MUC17: variants seen among roughly 807,000 people sequenced by gnomAD.
MUC17 encodes the protein mucin-17.
In MUC17, 190 loss-of-function variants were observed where a neutral mutation model predicts 170.3. That is an observed-to-expected ratio of 1.12 (90% CI 0.99 to 1.26). The LOEUF (loss-of-function observed/expected upper bound fraction) is 1.26. Among genes scored for constraint, MUC17 ranks in the 50% most tolerant of loss-of-function variants. The pLI is 0.00. For synonymous variants in MUC17, 2,325 were observed against 2,002.5 expected (o/e 1.16, Z -4.30); for missense variants, 6,415 against 5,530.0 (o/e 1.16, Z -5.08).
rs10265276 is a variant in MUC17 at position 101,035,140 on chromosome 7, T to A, written c.3724T>A (p.Ser1242Thr). 0.13 allele frequency: 215,735 copies of A among 1,601,288 alleles called. 17,645 individuals carry two copies. Among genetic ancestry groups the A allele is most frequent in the African/African-American group, 0.32 (23,407 of 72,860 alleles). Residue 1242 changes from serine (S) to threonine (T), a missense_variant, in exon 3 of 13, where the codon TCT becomes ACT. Physicochemically the swap from Ser to Thr is moderately conservative, Grantham distance 58. Transcript: ENST00000306151. ...TTCTGAGGCTAGCACCCTTTCAACA[T>A]CTCCCGTTGACACCAGCACACCTGT... Reference protein sequence around the residue: ...ASSEASTLSTSPVDTSTPVTT... With the variant: ...ASSEASTLSTTPVDTSTPVTT...
chr7:101,051,807 C>A lies in MUC17; in HGVS notation c.12948C>A (p.Asp4316Glu). 1 of 1,613,194 alleles carries A rather than the reference C, an allele frequency of 6.2e-7. No individual in the cohort carries two copies. The highest frequency in any genetic ancestry group is 2.2e-5 in the East Asian group (1 of 44,852). The change falls in exon 9 of 13, where the codon GAC (aspartate) becomes GAA (glutamate). Residue 4316 changes from aspartate (D) to glutamate (E), a missense_variant. By Grantham distance (45) the Asp-to-Glu change is conservative (BLOSUM62 2). Coordinates refer to ENST00000306151, the MANE Select transcript of MUC17 (RefSeq NM_001040105.2). ...ITVTQYDPEE[D>E]CRKMAKEYGD... is the part of the protein sequence containing the mutation. ...TGTCCCTGCACCCCCCACCAGAGGACTGCCGGAAGATGGCCAAGGAATATG... is the reference window on the plus strand; with the variant it reads ...TGTCCCTGCACCCCCCACCAGAGGAATGCCGGAAGATGGCCAAGGAATATG...
intron 1 of MUC17, among the ~76,000 whole-genome samples, chr7:101,023,963 A>G (rs978151922): frequency 2.6e-5 from 4 of 151,998 alleles, no homozygotes; most frequent in South Asian, 4.1e-4. Flanking sequence ...TGTGGTTTCA[A>G]TTTGCATCTC....
rs1408317036 is a variant in MUC17, at chr7:101,038,360, A to C, written c.6944A>C (p.Glu2315Ala). Residue 2315 changes from glutamate to alanine, a missense_variant, in exon 3 of 13, where the codon GAA (glutamate) becomes GCA (alanine). Glu to Ala is a moderately radical substitution (Grantham distance 107). Coordinates refer to ENST00000306151, the MANE Select transcript of MUC17 (RefSeq NM_001040105.2). Reference protein sequence around the residue: ...DSNTPFTTSTEASSPPPTAEG... With the variant: ...DSNTPFTTSTAASSPPPTAEG... Reference sequence around the variant, plus strand: ...AACACTCCTTTCACTACTTCTACTGAAGCCAGTTCACCTCCTCCCACTGCT... The same window carrying C: ...AACACTCCTTTCACTACTTCTACTGCAGCCAGTTCACCTCCTCCCACTGCT... 6.2e-7 allele frequency: 1 copy of C among 1,613,586 alleles called. No individual in the cohort carries two copies.
At chr7:101,050,402 G>T (rs1794916361) in intron 6 of MUC17, 82 bp from the exon 7 acceptor site, 1 of 1,541,588 alleles carries the variant, frequency 6.5e-7, no homozygotes, top group South Asian at 1.3e-5. Flanking sequence ...CTTGGGATCA[G>T]AGAGGGTGAA....
Position 101,039,850 on chromosome 7 carries a change from T to A in MUC17, c.8434T>A (p.Leu2812Ile). Residue 2812 changes from leucine (L) to isoleucine (I), a missense_variant, in exon 3 of 13, where the codon TTA becomes ATA. Leu to Ile is a conservative substitution (Grantham distance 5). Coordinates refer to ENST00000306151, the MANE Select transcript of MUC17 (RefSeq NM_001040105.2). ...TSTPSETSTP[L>I]TSMPVNHTPV... is the part of the protein sequence containing the mutation. ...AACTCCTAGTGAAACAAGTACTCCATTAACTAGTATGCCTGTCAACCACAC... is the reference window on the plus strand; with the variant it reads ...AACTCCTAGTGAAACAAGTACTCCAATAACTAGTATGCCTGTCAACCACAC... 6.2e-7 allele frequency: 1 copy of A among 1,611,502 alleles called. No individual in the cohort carries two copies. Among genetic ancestry groups the A allele is most frequent in the Non-Finnish European group, 8.5e-7 (1 of 1,179,174 alleles).
chr7:101,020,261 A>G (rs1012163728), intron 1 of MUC17, 44 bp downstream of exon 1: 2 of 1,527,436 alleles, frequency 1.3e-6, no homozygotes, highest in African/African-American at 1.4e-5. Flanking sequence ...CCCCCATCCC[A>G]GGGGCCAGCC....
At chr7:101,022,925 T>G (rs1290667106) in intron 1 of MUC17, among the ~76,000 whole-genome samples, 1 of 152,072 alleles carries the variant, frequency 6.6e-6, no homozygotes, top group Non-Finnish European at 1.5e-5. Context: ...CAGAAAAAAC[T>G]GTAGTTTTTG....
Position 101,023,893 on chromosome 7 carries a change from GT to G in MUC17, c.82+3687del, listed in dbSNP as rs749020800. On this transcript the variant is annotated intron_variant, in intron 1 of 12. Transcript: ENST00000306151. Reference sequence around the variant, plus strand: ...ACATCCATGCCAACATCTATTTGCAGTTTTTTTTTTTGGCTTTTTAATAACG... The same window carrying G: ...ACATCCATGCCAACATCTATTTGCAGTTTTTTTTTTGGCTTTTTAATAACG... 8.7e-3 allele frequency among the ~76,000 whole-genome samples: 1,261 copies of G among 145,692 alleles called. 18 individuals carry two copies. The highest frequency in any genetic ancestry group is 0.027 in the African/African-American group (1,085 of 40,010).
In MUC17 at chr7:101,041,817, C is replaced by T. The variant is rs1794714888; in HGVS notation, c.10401C>T (p.Thr3467=). 6.2e-7 allele frequency: 1 copy of T among 1,614,040 alleles called. No individual in the cohort carries two copies. The highest frequency in any genetic ancestry group is 1.3e-5 in the African/African-American group (1 of 74,956). Residue 3467 remains threonine, a synonymous_variant, in exon 3 of 13, where the codon ACC becomes ACT. Coordinates refer to ENST00000306151, the MANE Select transcript of MUC17 (RefSeq NM_001040105.2). ...STPLSIMPLS[T]TPVASSEAST... is the part of the protein sequence containing the mutation. ...CATTATCAATTATGCCTCTCAGTACCACGCCGGTGGCCAGTTCTGAGGCTA... is the reference window on the plus strand; with the variant it reads ...CATTATCAATTATGCCTCTCAGTACTACGCCGGTGGCCAGTTCTGAGGCTA...
rs1420774712 is a variant in MUC17, at chr7:101,042,538, A to C, written c.11122A>C (p.Ser3708Arg). The change falls in exon 3 of 13, where the codon AGC becomes CGC. Residue 3708 changes from serine to arginine, a missense_variant. Ser to Arg is a moderately radical substitution (Grantham distance 110). Coordinates refer to ENST00000306151, the MANE Select transcript of MUC17 (RefSeq NM_001040105.2). ...GCCTGTCAGCACCACACGTGTGACC[A>C]GCTCTGAGGGTAGCACCCTTTCAAC... The part of the protein sequence containing the change: ...TMPVSTTRVT[S>R]SEGSTLSTPS... 1.2e-6 allele frequency: 2 copies of C among 1,614,164 alleles called. No individual in the cohort carries two copies. Among genetic ancestry groups the C allele is most frequent in the Non-Finnish European group, 1.7e-6 (2 of 1,180,020 alleles).
chr7:101,025,780 C>A lies in MUC17; in HGVS notation c.83-5340C>A, dbSNP rs187099816. On this transcript the variant is annotated intron_variant, in intron 1 of 12. Transcript: ENST00000306151. The stretch of plus-strand genomic sequence containing the variant: ...CTGCGCTCCAGCCTGGGTGACAGAG[C>A]GAGATCTCTCTCTCAAAAAAAAAAA... 4.4e-3 allele frequency among the ~76,000 whole-genome samples: 619 copies of A among 141,836 alleles called. 5 individuals are homozygous for A. The highest frequency in any genetic ancestry group is 0.016 in the African/African-American group (599 of 37,396). 93.0% of individuals were successfully genotyped at this position (141,836 alleles called of 152,430 possible).
Position 101,040,596 on chromosome 7 carries a change from T to C in MUC17, c.9180T>C (p.Ile3060=), listed in dbSNP as rs751387225. ...CTGTCAGCACCACGCCAGTGGCCATTCCTGAGGCTAGCACCCTTTCAACAA... is the reference window on the plus strand; with the variant it reads ...CTGTCAGCACCACGCCAGTGGCCATCCCTGAGGCTAGCACCCTTTCAACAA... ...SIPVSTTPVA[I]PEASTLSTTP... The change falls in exon 3 of 13, where the codon ATT becomes ATC. Residue 3060 remains isoleucine (I), a synonymous_variant. Coordinates refer to ENST00000306151, the MANE Select transcript of MUC17 (RefSeq NM_001040105.2). 13 of 1,612,694 alleles carry C rather than the reference T, an allele frequency of 8.1e-6. No individual in the cohort carries two copies. The Middle Eastern group carries it at 1.3e-3, about 164-fold the overall frequency.
In MUC17 at chr7:101,037,393, A is replaced by T. The variant is rs747772475; in HGVS notation, c.5977A>T (p.Ser1993Cys). 22 of 1,613,688 alleles carry T rather than the reference A, an allele frequency of 1.4e-5. No homozygotes were observed. The highest frequency in any genetic ancestry group is 1.8e-5 in the Non-Finnish European group (21 of 1,179,770). The part of the protein sequence containing the change: ...GSTPLTSMPL[S>C]TTLVVSSEAS... ...CACTCCACTAACAAGTATGCCTCTC[A>T]GCACCACGCTGGTGGTCAGTTCTGA... Residue 1993 changes from serine (S) to cysteine (C), a missense_variant, in exon 3 of 13, where the codon AGC (serine) becomes TGC (cysteine). Ser to Cys is a moderately radical substitution (Grantham distance 112, BLOSUM62 -1). Coordinates refer to ENST00000306151, the MANE Select transcript of MUC17 (RefSeq NM_001040105.2).
chr7:101,040,132 G>C lies in MUC17; in HGVS notation c.8716G>C (p.Gly2906Arg). 1.2e-6 allele frequency: 2 copies of C among 1,612,266 alleles called. No homozygotes were observed. Among genetic ancestry groups the C allele is most frequent in the South Asian group, 2.2e-5 (2 of 90,970 alleles). Residue 2906 changes from glycine to arginine, a missense_variant, in exon 3 of 13, where the codon GGC becomes CGC. Physicochemically the swap from Gly to Arg is moderately radical, Grantham distance 125. Transcript: ENST00000306151. ...TSIPVTTSTE[G>R]SSSPTTAEGT... is the part of the protein sequence containing the mutation. Reference sequence around the variant, plus strand: ...CATACCTGTCACCACTTCTACTGAAGGCAGTTCTTCTCCTACAACTGCTGA... The same window carrying C: ...CATACCTGTCACCACTTCTACTGAACGCAGTTCTTCTCCTACAACTGCTGA...
chr7:101,043,656 C>T lies in MUC17; in HGVS notation c.12240C>T (p.Ser4080=), dbSNP rs886519742. ...HSSTPPTTSA[S]STTVNPEAVT... ...GTACACCTCCAACAACCTCTGCCTCCTCCACGACTGTGAACCCTGAGGCTG... is the reference window on the plus strand; with the variant it reads ...GTACACCTCCAACAACCTCTGCCTCTTCCACGACTGTGAACCCTGAGGCTG... Residue 4080 remains serine, a synonymous_variant, in exon 3 of 13, where the codon TCC becomes TCT. Coordinates refer to ENST00000306151, the MANE Select transcript of MUC17 (RefSeq NM_001040105.2). The T allele has an allele frequency of 6.2e-7, 1 of 1,614,190 alleles. No individual in the cohort carries two copies. Among genetic ancestry groups the T allele is most frequent in the Admixed American group, 1.7e-5 (1 of 60,022 alleles).
At position 101,020,147 on chromosome 7, in the gene MUC17, A is replaced by G; in HGVS notation, c.12A>G (p.Pro4=). The G allele has an allele frequency of 6.2e-7, 1 of 1,605,262 alleles. No individual in the cohort carries two copies. Among genetic ancestry groups the G allele is most frequent in the African/African-American group, 1.3e-5 (1 of 74,692 alleles). ...TGCTCAGAGCTCCGATGCCAAGGCC[A>G]GGGACCATGGCGCTGTGTCTGCTGA... MPR[P]GTMALCLLTL... is the part of the protein sequence containing the mutation. The change falls in exon 1 of 13, where the codon CCA becomes CCG. Residue 4 remains proline (P), a synonymous_variant. Transcript: ENST00000306151.
In MUC17 at chr7:101,033,692, T is replaced by G; in HGVS notation, c.2276T>G (p.Leu759Trp). ...LTSMPVSKTL[L>W]TSSEASTLST... ...AGTATGCCTGTCAGCAAAACGCTGT[T>G]GACCAGTTCTGAGGCTAGCACCCTT... Residue 759 changes from leucine (L) to tryptophan (W), a missense_variant, in exon 3 of 13, where the codon TTG becomes TGG. Transcript: ENST00000306151. 1.9e-6 allele frequency: 3 copies of G among 1,613,638 alleles called. No homozygotes were observed. The highest frequency in any genetic ancestry group is 2.7e-5 in the African/African-American group (2 of 74,936).
Position 101,042,857 on chromosome 7 carries a change from C to T in MUC17, c.11441C>T (p.Thr3814Ile). ...MPMSTTSERS[T>I]LLTTVLISPI... The stretch of plus-strand genomic sequence containing the variant: ...ATGTCAACTACGAGTGAAAGAAGCA[C>T]TTTATTGACAACTGTCCTCATCAGC... Residue 3814 changes from threonine to isoleucine, a missense_variant, in exon 3 of 13, where the codon ACT becomes ATT. Physicochemically the swap from Thr to Ile is moderately conservative, Grantham distance 89 (BLOSUM62 -1). Transcript: ENST00000306151. 1.2e-6 allele frequency: 2 copies of T among 1,614,162 alleles called. No homozygotes were observed. The highest frequency in any genetic ancestry group is 1.1e-5 in the South Asian group (1 of 91,086).
rs185696595 is a variant in MUC17, at chr7:101,020,121, G to A, written c.-15G>A. 1.4e-3 allele frequency: 2,169 copies of A among 1,582,976 alleles called. 2 individuals carry two copies. Among genetic ancestry groups the A allele is most frequent in the Non-Finnish European group, 1.7e-3 (1,936 of 1,164,376 alleles). On this transcript the variant is annotated 5_prime_UTR_variant, in exon 1 of 13. It adds an upstream start codon to the 5' untranslated region. Coordinates refer to ENST00000306151, the MANE Select transcript of MUC17 (RefSeq NM_001040105.2). Reference sequence around the variant, plus strand: ...TCTGGGGGTGACAGGCAAGTGAGACGTGCTCAGAGCTCCGATGCCAAGGCC... The same window carrying A: ...TCTGGGGGTGACAGGCAAGTGAGACATGCTCAGAGCTCCGATGCCAAGGCC...
Sources: allele counts gnomAD v4.1 joint callset (sites outside exome capture counted in the v4.1 genomes callset), GRCh38; gene constraint gnomAD v4.1.1; transcripts MANE v1.5; gene names NCBI Gene and HGNC (gene_info 2026-07-23, HGNC 2026-07-21).